Variants in TTC23L observed in about 807,000 individuals in gnomAD.
TTC23L encodes the protein tetratricopeptide repeat domain 23 like, also known as tetratricopeptide repeat protein 23-like.
A neutral mutation model predicts 48.1 loss-of-function variants in TTC23L; 42 were observed. That is an observed-to-expected ratio of 0.87 (90% CI 0.68 to 1.13). The LOEUF is 1.13. TTC23L is among the 50% of genes most tolerant of loss of function. The pLI is 0.00. For synonymous variants in TTC23L, 159 were observed against 157.2 expected (o/e 1.01, Z -0.09); for missense variants, 391 against 421.0 (o/e 0.93, Z 0.62).
chr5:34,862,929 A>C (rs3906383), exon 5 of TTC23L: 1 of 1,613,836 alleles, frequency 6.2e-7, no homozygotes, highest in Non-Finnish European at 8.5e-7. Context: ...AACATGCTAC[A>C]TCAGCCAAGA....
chr5:34,884,098 G>A (rs1162443620), intron 9 of TTC23L, among the ~76,000 whole-genome samples: 2 of 152,024 alleles, frequency 1.3e-5, no homozygotes, highest in African/African-American at 4.8e-5. Flanking sequence ...AGAATGGTTT[G>A]GCATACAAAA....
the TTC23L span, chr5:34,914,743 T>A: frequency 6.2e-7 from 1 of 1,614,258 alleles, no homozygotes; most frequent in South Asian, 1.1e-5. Flanking sequence ...CCACTGTTAC[T>A]TTGATACCAT....
At chr5:34,860,108 A>C (rs998725317) in intron 4 of TTC23L, among the ~76,000 whole-genome samples, 4 of 151,838 alleles carry the variant, frequency 2.6e-5, no homozygotes, top group Admixed American at 2.6e-4. Context: ...CGGCCTCCCA[A>C]AGTGCTGGGA....
the TTC23L span, chr5:34,923,466 C>T: frequency 3.7e-5 from 18 of 487,966 alleles, no homozygotes; most frequent in Non-Finnish European, 5.9e-5. Flanking sequence ...TTAGTAGAGA[C>T]GGGGTTTCGC....
At chr5:34,880,237 T>C in exon 9 of TTC23L, 1 of 1,613,584 alleles carries the variant, frequency 6.2e-7, no homozygotes, top group Non-Finnish European at 8.5e-7. Flanking sequence ...AACATTGGGC[T>C]CAGAGGATTT....
the TTC23L span, chr5:34,921,926 AAGG>A: frequency 3.3e-5 from 6 of 182,708 alleles, no homozygotes; most frequent in Admixed American, 6.2e-5. Context: ...AAAAAAAAAA[AAGG>A]AGGGAGGTTT....
At chr5:34,925,483 GA>G in the TTC23L span, 18 of 1,609,514 alleles carry the variant, frequency 1.1e-5, no homozygotes, top group Non-Finnish European at 1.4e-5. Context: ...TGGACAGTGG[GA>G]AAACAAAATA....
At chr5:34,855,138 TAAGATG>T (rs1760018214) in intron 4 of TTC23L, among the ~76,000 whole-genome samples, 1 of 149,748 alleles carries the variant, frequency 6.7e-6, no homozygotes, top group Non-Finnish European at 1.5e-5. Context: ...TTAGGACTGG[TAAGATG>T]AACCTGGAAA....
chr5:34,870,081 A>T (rs1288078688), intron 8 of TTC23L, among the ~76,000 whole-genome samples: 1 of 151,632 alleles, frequency 6.6e-6, no homozygotes, highest in Non-Finnish European at 1.5e-5. Flanking sequence ...ACAAGCGTTT[A>T]TGTTTATAGA....
At chr5:34,913,516 A>C in the TTC23L span, 2 of 1,604,444 alleles carry the variant, frequency 1.2e-6, no homozygotes, top group East Asian at 2.2e-5. Flanking sequence ...CTAAAAGGAC[A>C]GTTAAATTAA....
chr5:34,845,578 A>G (rs770696657), exon 3 of TTC23L: 1 of 1,614,016 alleles, frequency 6.2e-7, no homozygotes. Flanking sequence ...AACTAAAGCT[A>G]AAGAGAAGGA....
chr5:34,864,351 A>G (rs1760893584), intron 5 of TTC23L, 86 bp from the exon 6 acceptor site: 2 of 1,489,468 alleles, frequency 1.3e-6, no homozygotes, highest in Admixed American at 4.4e-5. Flanking sequence ...CACTTTTCCA[A>G]GAGCCCCTTT....
chr5:34,888,681 C>T (rs994673974), intron 9 of TTC23L: 1 of 202,330 alleles, frequency 4.9e-6, no homozygotes, highest in African/African-American at 2.4e-5. Context: ...TGAATTTGAC[C>T]AAATCCTATA....
At chr5:34,862,232 G>A (rs1353065363) in intron 4 of TTC23L, among the ~76,000 whole-genome samples, 1 of 152,008 alleles carries the variant, frequency 6.6e-6, no homozygotes, top group African/African-American at 2.4e-5. Context: ...TTAGTTTGGG[G>A]CCTCCCTGCA....
chr5:34,909,138 T>A, the TTC23L span: 1 of 932,080 alleles, frequency 1.1e-6, no homozygotes, highest in South Asian at 1.7e-5. Flanking sequence ...CACTCTACTA[T>A]TCATTTTTAT....
chr5:34,862,587 C>T lies in TTC23L; in HGVS notation c.380-311C>T, dbSNP rs567255887. 6.3e-4 allele frequency among the ~76,000 whole-genome samples: 96 copies of T among 152,114 alleles called. 1 individual carries two copies. The highest frequency in any genetic ancestry group is 3.7e-3 in the Admixed American group (57 of 15,256). ...TCCATTCCTGTCTCTGTCTTGAGTT[C>T]CAAACTGAGGTACGAAGGCTAATGT... On this transcript the variant is annotated intron_variant, in intron 4 of 10. Coordinates refer to ENST00000505624, the Ensembl canonical transcript of TTC23L.
chr5:34,865,854 T>A (rs1561137592), intron 6 of TTC23L, among the ~76,000 whole-genome samples: 1 of 152,234 alleles, frequency 6.6e-6, no homozygotes, highest in Non-Finnish European at 1.5e-5. Flanking sequence ...GGCTTACACA[T>A]ATATTTTTAA....
chr5:34,889,837 T>C (rs889443862), intron 9 of TTC23L, among the ~76,000 whole-genome samples: 1 of 150,028 alleles, frequency 6.7e-6, no homozygotes, highest in Non-Finnish European at 1.5e-5. Context: ...GGTTTTTTTT[T>C]GTTTTTGTTT....
chr5:34,902,173 C>T (rs1763525961), downstream of TTC23L, among the ~76,000 whole-genome samples: 1 of 152,140 alleles, frequency 6.6e-6, no homozygotes, highest in African/African-American at 2.4e-5. Flanking sequence ...CCTGTAATCC[C>T]AGCACTTTGG....
Sources: allele counts gnomAD v4.1 joint callset (sites outside exome capture counted in the v4.1 genomes callset), GRCh38; gene constraint gnomAD v4.1.1; transcripts MANE v1.5; gene names NCBI Gene and HGNC (gene_info 2026-07-23, HGNC 2026-07-21).